Variants in ANO6 observed in about 807,000 individuals in gnomAD.
The protein encoded by ANO6 is anoctamin 6, also known as anoctamin-6.
Under a neutral mutation model 117.5 loss-of-function variants are expected in ANO6, and 106 were observed. The observed-to-expected ratio is 0.90, with a 90% CI of 0.77 to 1.06. The LOEUF is 1.06. Among genes scored for constraint, ANO6 ranks in the 50% least tolerant of loss-of-function variants. The pLI, the probability that ANO6 is intolerant of heterozygous loss-of-function variation, is 0.00. For synonymous variants in ANO6, 367 were observed against 385.1 expected, an observed-to-expected ratio of 0.95 and a Z score of 0.55; for missense variants, 955 against 1,121.1, an observed-to-expected ratio of 0.85 and a Z score of 2.12.
Position 45,238,710 on chromosome 12 carries a change from G to A in ANO6, c.70+22319G>A, listed in dbSNP as rs535300956. ...AATAGCTCTTATTATTTTGAGATATGTTCCATCAATACCTAGTTTATTGAG... is the reference window on the plus strand; with the variant it reads ...AATAGCTCTTATTATTTTGAGATATATTCCATCAATACCTAGTTTATTGAG... On this transcript the variant is annotated intron_variant, in intron 1 of 19. Coordinates refer to ENST00000320560, the MANE Select transcript of ANO6 (RefSeq NM_001025356.3). Among the ~76,000 whole-genome samples the A allele has an allele frequency of 5.3e-5, 8 of 152,050 alleles. No homozygotes were observed. The South Asian group carries it at 1.7e-3, about 32-fold the overall frequency.
chr12:45,238,244 G>A (rs1176000661), intron 1 of ANO6, among the ~76,000 whole-genome samples: 7 of 148,784 alleles, frequency 4.7e-5, no homozygotes, highest in Admixed American at 1.3e-4. Flanking sequence ...TCTGCCTCCC[G>A]GGTTCAAGTG....
intron 2 of ANO6, among the ~76,000 whole-genome samples, chr12:45,314,435 C>A (rs1939948289): frequency 1.5e-5 from 1 of 67,086 alleles, no homozygotes. Flanking sequence ...ATAATGAGAC[C>A]TTATCTCTAC....
intron 1 of ANO6, among the ~76,000 whole-genome samples, chr12:45,267,894 G>A (rs989235274): frequency 6.6e-6 from 1 of 152,184 alleles, no homozygotes; most frequent in Non-Finnish European, 1.5e-5. Context: ...TTATTAAAAG[G>A]GGAAGGGTAC....
intron 1 of ANO6, among the ~76,000 whole-genome samples, chr12:45,263,367 CTTT>C (rs72457782): frequency 1.3e-5 from 1 of 79,176 alleles, no homozygotes; most frequent in Non-Finnish European, 2.3e-5. Context: ...CTGGCCTGGC[CTTT>C]TTTTTTTTTT....
intron 2 of ANO6, among the ~76,000 whole-genome samples, chr12:45,312,633 C>G (rs552622374): frequency 6.6e-6 from 1 of 152,118 alleles, no homozygotes; most frequent in East Asian, 1.9e-4. Context: ...CTATAAGTCT[C>G]AAATGTATTC....
chr12:45,344,589 A>G (rs1941075418), intron 3 of ANO6, among the ~76,000 whole-genome samples: 1 of 152,164 alleles, frequency 6.6e-6, no homozygotes, highest in African/African-American at 2.4e-5. Context: ...ATCCGCCCCC[A>G]TGATTAAATC....
rs955852355 is a variant in ANO6, at chr12:45,380,195, A to G, written c.1165+2082A>G. ...CCATCCTTTCAGGACAAGGCAGCCC[A>G]CCTGTTCATACTGATTCATAGAGTC... is the stretch of plus-strand genomic sequence containing the variant. On this transcript the variant is annotated intron_variant, in intron 10 of 19. Transcript: ENST00000320560. Among the ~76,000 whole-genome samples, 4 of 152,198 alleles carry G rather than the reference A, an allele frequency of 2.6e-5. No individual in the cohort carries two copies. The East Asian group carries it at 7.7e-4, about 29-fold the overall frequency.
intron 1 of ANO6, among the ~76,000 whole-genome samples, chr12:45,265,533 A>C (rs1938187036): frequency 6.6e-6 from 1 of 152,124 alleles, no homozygotes; most frequent in African/African-American, 2.4e-5. Context: ...TACCATCCTT[A>C]TTCCATTTAA....
At chr12:45,349,555 A>G (rs770348007) in intron 6 of ANO6, among the ~76,000 whole-genome samples, 1 of 152,216 alleles carries the variant, frequency 6.6e-6, no homozygotes, top group Admixed American at 6.5e-5. Flanking sequence ...TTCACTATCA[A>G]TTTATCTGAC....
intron 2 of ANO6, among the ~76,000 whole-genome samples, chr12:45,325,279 T>A (rs1479155729): frequency 6.6e-6 from 1 of 152,166 alleles, no homozygotes; most frequent in Non-Finnish European, 1.5e-5. Flanking sequence ...ACAACTCTCT[T>A]GTCTAAGTGG....
At chr12:45,341,877 C>T (rs1028008715) in intron 3 of ANO6, among the ~76,000 whole-genome samples, 18 of 151,934 alleles carry the variant, frequency 1.2e-4, no homozygotes, top group African/African-American at 3.6e-4. Flanking sequence ...TAAGGGAAGT[C>T]GAGCATGTTA....
chr12:45,259,580 G>A (rs1445245793), intron 1 of ANO6, among the ~76,000 whole-genome samples: 1 of 152,216 alleles, frequency 6.6e-6, no homozygotes, highest in Non-Finnish European at 1.5e-5. Context: ...GGAGGGCCTG[G>A]TTGCAGTGGG....
At chr12:45,362,985 T>C (rs530635206) in intron 8 of ANO6, among the ~76,000 whole-genome samples, 33 of 152,300 alleles carry the variant, frequency 2.2e-4, no homozygotes, top group East Asian at 3.9e-4. Flanking sequence ...GTTAGTTCTA[T>C]CTCTGCTTTT....
At chr12:45,284,376 T>TA (rs1295039411) in intron 1 of ANO6, among the ~76,000 whole-genome samples, 2 of 152,210 alleles carry the variant, frequency 1.3e-5, no homozygotes, top group Admixed American at 6.5e-5. Flanking sequence ...TATAATTTTG[T>TA]AAAAAATCCC....
chr12:45,269,529 G>A (rs1405792753), intron 1 of ANO6, among the ~76,000 whole-genome samples: 6 of 152,196 alleles, frequency 3.9e-5, no homozygotes, highest in Admixed American at 3.9e-4. Context: ...GATTTAAAAG[G>A]TAGTCTGGAG....
chr12:45,431,167 A>G lies in ANO6; in HGVS notation c.*1856A>G. 1 of 985,276 alleles carries G rather than the reference A, an allele frequency of 1.0e-6. No homozygotes were observed. The highest frequency in any genetic ancestry group is 1.1e-4 in the East Asian group (1 of 8,802). 61.0% of individuals were successfully genotyped at this position (985,276 alleles called of 1,614,324 possible). ...CGTGTTAATGATGCAATCAGAGTTC[A>G]AGACAGGCCCCATGAAGTCTGACTG... On this transcript the variant is annotated 3_prime_UTR_variant, in exon 20 of 20. Transcript: ENST00000320560.
intron 10 of ANO6, among the ~76,000 whole-genome samples, chr12:45,381,686 G>C (rs1467613408): frequency 1.3e-5 from 2 of 152,166 alleles, no homozygotes; most frequent in Non-Finnish European, 2.9e-5. Flanking sequence ...GCTAACACCA[G>C]ACTATGTCTT....
At chr12:45,293,303 G>A (rs1346800575) in intron 1 of ANO6, among the ~76,000 whole-genome samples, 2 of 152,122 alleles carry the variant, frequency 1.3e-5, no homozygotes, top group African/African-American at 4.8e-5. Flanking sequence ...ATAAGACAAT[G>A]GCTTGCCCTC....
At chr12:45,357,459 A>G (rs752620972) in intron 8 of ANO6, 35 bp downstream of exon 8, 1 of 1,612,118 alleles carries the variant, frequency 6.2e-7, no homozygotes, top group South Asian at 1.1e-5. Flanking sequence ...CCATGCTGAA[A>G]AGTTTATTAG....
Sources: gnomAD v4.1 joint callset for allele counts (sites outside exome capture counted in the v4.1 genomes callset) on GRCh38, gnomAD v4.1.1 for gene constraint, MANE v1.5 for transcripts, NCBI Gene and HGNC (gene_info 2026-07-23, HGNC 2026-07-21) for gene names.